B3GAT2: variants seen among roughly 807,000 people sequenced by gnomAD.
The protein encoded by B3GAT2 is galactosylgalactosylxylosylprotein 3-beta-glucuronosyltransferase 2.
B3GAT2 carries 26 observed loss-of-function variants against 27.8 expected under a neutral mutation model. That is an observed-to-expected ratio of 0.93 (90% CI 0.68 to 1.30). B3GAT2 has a LOEUF of 1.30. B3GAT2 is among the 50% of genes most tolerant of loss of function. The pLI is 0.00. For synonymous variants in B3GAT2, 218 were observed against 195.1 expected (o/e 1.12, Z -0.98); for missense variants, 458 against 459.0 (o/e 1.00, Z 0.02).
intron 1 of B3GAT2, among the ~76,000 whole-genome samples, chr6:70,913,925 A>C (rs1433668253): frequency 6.6e-6 from 1 of 152,174 alleles, no homozygotes; most frequent in Non-Finnish European, 1.5e-5. Context: ...TTCTTGTTGA[A>C]TTGAACCCTT....
At chr6:70,945,488 A>T (rs1292398993) in intron 1 of B3GAT2, among the ~76,000 whole-genome samples, 1 of 152,064 alleles carries the variant, frequency 6.6e-6, no homozygotes, top group Non-Finnish European at 1.5e-5. Flanking sequence ...GGAAGATGAA[A>T]TGAATGAAAT....
chr6:70,951,178 A>G (rs1037267978), intron 1 of B3GAT2, among the ~76,000 whole-genome samples: 1 of 152,186 alleles, frequency 6.6e-6, no homozygotes. Flanking sequence ...TCTGTACAAT[A>G]TTGAATTCTG....
At chr6:70,863,756 AT>A (rs1771804529) in intron 2 of B3GAT2, among the ~76,000 whole-genome samples, 1 of 152,150 alleles carries the variant, frequency 6.6e-6, no homozygotes, top group African/African-American at 2.4e-5. Context: ...TAAAAATACT[AT>A]TGTCAGTGTG....
chr6:70,948,880 G>C (rs999630249), intron 1 of B3GAT2, among the ~76,000 whole-genome samples: 5 of 152,134 alleles, frequency 3.3e-5, no homozygotes, highest in Non-Finnish European at 5.9e-5. Flanking sequence ...CAATGGAACA[G>C]AACAGAGCCC....
At chr6:70,929,989 CAG>C (rs1176701607) in intron 1 of B3GAT2, among the ~76,000 whole-genome samples, 1 of 152,128 alleles carries the variant, frequency 6.6e-6, no homozygotes, top group Non-Finnish European at 1.5e-5. Flanking sequence ...GATACTAAAA[CAG>C]AGATATAGAC....
intron 1 of B3GAT2, among the ~76,000 whole-genome samples, chr6:70,929,145 G>C (rs1773017071): frequency 1.3e-5 from 2 of 151,944 alleles, no homozygotes; most frequent in Admixed American, 1.3e-4. Flanking sequence ...TCACTCATAG[G>C]TGGGAATTGA....
At chr6:70,871,763 T>G (rs1008142993) in intron 2 of B3GAT2, among the ~76,000 whole-genome samples, 1 of 151,958 alleles carries the variant, frequency 6.6e-6, no homozygotes, top group African/African-American at 2.4e-5. Context: ...TACTCTTCTT[T>G]TTCTGTTTTT....
In B3GAT2 at chr6:70,858,295, T is replaced by TTTG; in HGVS notation, c.*3367_*3368insCAA. Reference sequence around the variant, plus strand: ...AGATTTATTTTCTAAATCTTTTTTTTTTTTTTTTTTTTTTTTTTTTAAGTC... The same window carrying TTTG: ...AGATTTATTTTCTAAATCTTTTTTTTTTGTTTTTTTTTTTTTTTTTTTTAAGTC... On this transcript the variant is annotated 3_prime_UTR_variant, in exon 4 of 4. Transcript: ENST00000230053. 1 of 1,209,590 alleles carries TTTG rather than the reference T, an allele frequency of 8.3e-7. No homozygotes were observed. Among genetic ancestry groups the TTTG allele is most frequent in the Non-Finnish European group, 1.1e-6 (1 of 906,924 alleles). 74.9% of individuals were successfully genotyped at this position (1,209,590 alleles called of 1,614,324 possible).
chr6:70,956,861 G>C lies in B3GAT2; in HGVS notation c.-432C>G, dbSNP rs1279829420. 2 of 1,027,758 alleles carry C rather than the reference G, an allele frequency of 1.9e-6. No individual in the cohort carries two copies. Among genetic ancestry groups the C allele is most frequent in the African/African-American group, 3.5e-5 (2 of 57,578 alleles). 63.7% of individuals were successfully genotyped at this position (1,027,758 alleles called of 1,614,324 possible). On this transcript the variant is annotated 5_prime_UTR_variant, in exon 1 of 4. Transcript: ENST00000230053. ...TGCGGGCACAAGGGCTCCAGCCGCGGGCCCCCAGGACGCTCTCTGGGACGC... is the reference window on the plus strand; with the variant it reads ...TGCGGGCACAAGGGCTCCAGCCGCGCGCCCCCAGGACGCTCTCTGGGACGC...
At chr6:70,879,216 A>G (rs1772061636) in intron 2 of B3GAT2, among the ~76,000 whole-genome samples, 1 of 151,822 alleles carries the variant, frequency 6.6e-6, no homozygotes, top group South Asian at 2.1e-4. Context: ...TTGTTTTTTG[A>G]GAAAAATATT....
intron 1 of B3GAT2, among the ~76,000 whole-genome samples, chr6:70,925,357 C>T (rs540215682): frequency 2.0e-5 from 3 of 152,324 alleles, no homozygotes; most frequent in African/African-American, 4.8e-5. Flanking sequence ...CATCACCTCA[C>T]CCTGGAAGCA....
At chr6:70,944,251 C>T (rs1765439630) in intron 1 of B3GAT2, among the ~76,000 whole-genome samples, 2 of 152,038 alleles carry the variant, frequency 1.3e-5, no homozygotes, top group Non-Finnish European at 1.5e-5. Context: ...CACACCGTGC[C>T]CAAGCGAAAG....
chr6:70,902,001 A>C (rs1251437703), intron 1 of B3GAT2, among the ~76,000 whole-genome samples: 3 of 152,234 alleles, frequency 2.0e-5, no homozygotes, highest in African/African-American at 7.2e-5. Flanking sequence ...TTAGCCCGTT[A>C]GATTTTAATA....
chr6:70,888,894 C>T (rs1772236238), intron 2 of B3GAT2, among the ~76,000 whole-genome samples: 1 of 152,232 alleles, frequency 6.6e-6, no homozygotes, highest in South Asian at 2.1e-4. Context: ...CCGAAACTCC[C>T]CCAGTGGCTG....
intron 1 of B3GAT2, among the ~76,000 whole-genome samples, chr6:70,911,894 A>AT (rs959303711): frequency 6.6e-6 from 1 of 152,124 alleles, no homozygotes; most frequent in East Asian, 1.9e-4. Flanking sequence ...TAGGTATTTT[A>AT]TTTTTTGTGT....
intron 2 of B3GAT2, among the ~76,000 whole-genome samples, chr6:70,873,442 GCT>G (rs919348984): frequency 3.3e-5 from 5 of 151,958 alleles, no homozygotes; most frequent in African/African-American, 1.2e-4. Context: ...ATAAACAATG[GCT>G]TATTAAAGAG....
At chr6:70,936,771 T>C in intron 1 of B3GAT2, among the ~76,000 whole-genome samples, 1 of 152,030 alleles carries the variant, frequency 6.6e-6, no homozygotes, top group East Asian at 1.9e-4. Flanking sequence ...GAGGGAAATT[T>C]ATAGCACTAA....
intron 1 of B3GAT2, among the ~76,000 whole-genome samples, chr6:70,938,953 T>G (rs1246553122): frequency 6.6e-6 from 1 of 151,318 alleles, no homozygotes. Context: ...ACCATCAGAG[T>G]GAACAGGCAA....
In B3GAT2 at chr6:70,956,350, G is replaced by A. The variant is rs766587551; in HGVS notation, c.80C>T (p.Thr27Met). 8 of 1,568,902 alleles carry A rather than the reference G, an allele frequency of 5.1e-6. No individual in the cohort carries two copies. Among genetic ancestry groups the A allele is most frequent in the Admixed American group, 1.9e-5 (1 of 52,392 alleles). Residue 27 changes from threonine (T) to methionine (M), a missense_variant, in exon 1 of 4, where the codon ACG (threonine) becomes ATG (methionine). Transcript: ENST00000230053. The part of the protein sequence containing the change: ...LIVIIMLDVD[T>M]RRPVPPLTPR... Reference sequence around the variant, plus strand: ...GGTGAGCGGGGGCACTGGCCTGCGCGTGTCCACGTCGAGCATGATGATGAC... The same window carrying A: ...GGTGAGCGGGGGCACTGGCCTGCGCATGTCCACGTCGAGCATGATGATGAC...
Sources: allele counts gnomAD v4.1 joint callset (sites outside exome capture counted in the v4.1 genomes callset), GRCh38; gene constraint gnomAD v4.1.1; transcripts MANE v1.5; gene names NCBI Gene and HGNC (gene_info 2026-07-23, HGNC 2026-07-21).